MMP2: variants seen among roughly 807,000 people sequenced by gnomAD.
MMP2 encodes 72 kDa type IV collagenase.
A neutral mutation model predicts 74.8 loss-of-function variants in MMP2; 39 were observed. The observed-to-expected ratio is 0.52, with a 90% CI of 0.40 to 0.68. The LOEUF (loss-of-function observed/expected upper bound fraction) is 0.68. MMP2 is among the 30% of genes least tolerant of loss of function. The pLI is 0.00. For missense variants in MMP2, 803 were observed against 878.3 expected (o/e 0.91, Z 1.08); for synonymous variants, 367 against 339.8 (o/e 1.08, Z -0.88).
At chr16:55,489,939 C>A (rs1356578483) in intron 7 of MMP2, 115 bp downstream of exon 7, 15 of 1,240,538 alleles carry the variant, frequency 1.2e-5, no homozygotes, top group Non-Finnish European at 1.7e-5. Context: ...GCCCCCCAGA[C>A]ACCCACCTAC....
chr16:55,482,862 G>T (rs369389746), intron 1 of MMP2, 47 bp from the exon 2 acceptor site: 1 of 1,524,294 alleles, frequency 6.6e-7, no homozygotes, highest in African/African-American at 1.4e-5. Flanking sequence ...TCAGTACTGT[G>T]CCATCCTAAT....
intron 11 of MMP2, among the ~76,000 whole-genome samples, chr16:55,500,491 G>GCACACACACACACACACACACACA (rs1390341238): frequency 6.1e-5 from 3 of 49,302 alleles, no homozygotes; most frequent in African/African-American, 2.4e-4. Context: ...GCGCATGTGC[G>GCACACACACACACACACACACACA]CATACACACA....
intron 6 of MMP2, among the ~76,000 whole-genome samples, chr16:55,489,438 C>T (rs527600697): frequency 6.3e-5 from 8 of 126,826 alleles, no homozygotes; most frequent in African/African-American, 2.0e-4. Flanking sequence ...TTCATCATCT[C>T]TCTGATCTAT....
At chr16:55,488,916 G>A (rs1347511270) in intron 6 of MMP2, 200 bp downstream of exon 6, 92 of 637,506 alleles carry the variant, frequency 1.4e-4, no homozygotes, top group Non-Finnish European at 3.0e-5. Flanking sequence ...ACTGAAATCA[G>A]AACAGACATT....
chr16:55,487,053 C>T (rs894659903), intron 5 of MMP2: 1 of 152,136 alleles, frequency 6.6e-6, no homozygotes, highest in Non-Finnish European at 1.5e-5. Flanking sequence ...TTGCGTTTCC[C>T]GGTAGGGATT....
At chr16:55,482,427 T>G (rs1304518089) in intron 1 of MMP2, among the ~76,000 whole-genome samples, 2 of 152,056 alleles carry the variant, frequency 1.3e-5, no homozygotes, top group African/African-American at 4.8e-5. Flanking sequence ...GATAAATGAG[T>G]TGATAGAGGT....
At position 55,485,694 on chromosome 16, in the gene MMP2, C is replaced by A. The variant is rs755373340; in HGVS notation, c.749C>A (p.Thr250Asn). The A allele has an allele frequency of 3.0e-5, 48 of 1,614,026 alleles. No individual in the cohort carries two copies. The highest frequency in any genetic ancestry group is 4.0e-5 in the Non-Finnish European group (47 of 1,180,014). The stretch of plus-strand genomic sequence containing the variant: ...AAGGAGTACAACAGCTGCACTGATA[C>A]CGGCCGCAGCGATGGCTTCCTCTGG... The part of the protein sequence containing the change: ...NGKEYNSCTD[T>N]GRSDGFLWCS... Residue 250 changes from threonine to asparagine, a missense_variant, in exon 5 of 13, where the codon ACC becomes AAC. Physicochemically the swap from Thr to Asn is moderately conservative, Grantham distance 65. Transcript: ENST00000219070.
At chr16:55,488,444 C>A (rs1962311334) in intron 5 of MMP2, 99 bp from the exon 6 acceptor site, 1 of 1,173,292 alleles carries the variant, frequency 8.5e-7, no homozygotes, top group Non-Finnish European at 1.2e-6. Flanking sequence ...AACAATGCAT[C>A]AACTTCACTG....
intron 5 of MMP2, among the ~76,000 whole-genome samples, chr16:55,486,465 A>G (rs1342790549): frequency 2.7e-5 from 4 of 150,548 alleles, no homozygotes; most frequent in Non-Finnish European, 5.9e-5. Context: ...TTGTGTCTGC[A>G]TCTCTGTGTC....
chr16:55,490,382 G>A (rs1322340668), intron 7 of MMP2, among the ~76,000 whole-genome samples: 1 of 152,200 alleles, frequency 6.6e-6, no homozygotes, highest in Non-Finnish European at 1.5e-5. Flanking sequence ...TGTTACCAGG[G>A]TGTAAATGGT....
In MMP2 at chr16:55,491,766, G is replaced by A. The variant is rs376848551; in HGVS notation, c.1181-35G>A. The A allele has an allele frequency of 4.3e-6, 7 of 1,613,746 alleles. No individual in the cohort carries two copies. In the African/African-American group the frequency reaches 8.0e-5, roughly 18 times the overall value. On this transcript the variant is annotated intron_variant, in intron 7 of 12. Coordinates refer to ENST00000219070, the MANE Select transcript of MMP2 (RefSeq NM_004530.6). ...TGACTTCTCTCTCATCTCTCTTCCT[G>A]TCTTTCAACCCTCTCTCCTCCCTGC...
chr16:55,501,539 C>T (rs1206299646), intron 11 of MMP2, among the ~76,000 whole-genome samples: 1 of 152,182 alleles, frequency 6.6e-6, no homozygotes, highest in African/African-American at 2.4e-5. Flanking sequence ...GGATTTTGAG[C>T]TAGGGAACTT....
intron 11 of MMP2, 113 bp from the exon 12 acceptor site, chr16:55,502,666 G>T (rs1962694712): frequency 1.1e-6 from 1 of 898,002 alleles, no homozygotes; most frequent in Non-Finnish European, 1.8e-6. Context: ...GAAGGGCTAG[G>T]TCCAGTTTCC....
In MMP2 at chr16:55,485,668, C is replaced by T. The variant is rs1274521332; in HGVS notation, c.723C>T (p.Gly241=). ...GCAAGTTCCCCTTCTTGTTCAATGG[C>T]AAGGAGTACAACAGCTGCACTGATA... ...EYCKFPFLFN[G]KEYNSCTDTG... Residue 241 remains glycine (G), a synonymous_variant, in exon 5 of 13, where the codon GGC becomes GGT. Transcript: ENST00000219070. The T allele has an allele frequency of 1.9e-6, 3 of 1,614,122 alleles. No individual in the cohort carries two copies. The highest frequency in any genetic ancestry group is 2.5e-6 in the Non-Finnish European group (3 of 1,179,996).
chr16:55,484,573 A>G (rs1962193980), intron 3 of MMP2, among the ~76,000 whole-genome samples: 1 of 152,254 alleles, frequency 6.6e-6, no homozygotes, highest in African/African-American at 2.4e-5. Context: ...TGGACAGCAC[A>G]GACAAAGAAT....
chr16:55,490,551 A>G (rs1192024124), intron 7 of MMP2, among the ~76,000 whole-genome samples: 2 of 152,162 alleles, frequency 1.3e-5, no homozygotes, highest in Non-Finnish European at 2.9e-5. Context: ...CCTGTGCCCA[A>G]TCTAGGCTAC....
At position 55,488,550 on chromosome 16, in the gene MMP2, C is replaced by T. The variant is rs748099782; in HGVS notation, c.840C>T (p.Phe280=). 1 of 1,613,842 alleles carries T rather than the reference C, an allele frequency of 6.2e-7. No homozygotes were observed. The highest frequency in any genetic ancestry group is 8.5e-7 in the Non-Finnish European group (1 of 1,179,922). Residue 280 remains phenylalanine, a synonymous_variant, in exon 6 of 13, where the codon TTC becomes TTT. Transcript: ENST00000219070. ...KYGFCPHEAL[F]TMGGNAEGQP... is the part of the protein sequence containing the mutation. ...TCTCTCCCCCACCCTTAGCCCTGTT[C>T]ACCATGGGCGGCAACGCTGAAGGAC...
chr16:55,485,496 C>T (rs1312020489), intron 4 of MMP2, 69 bp downstream of exon 4: 3 of 1,612,400 alleles, frequency 1.9e-6, no homozygotes, highest in Non-Finnish European at 2.5e-6. Context: ...TTTGCTTGGA[C>T]CAGAGAGGTG....
chr16:55,493,336 C>T (rs759189458), intron 9 of MMP2, 43 bp downstream of exon 9: 2 of 1,612,908 alleles, frequency 1.2e-6, no homozygotes, highest in East Asian at 4.5e-5. Flanking sequence ...GTCTCCTGTC[C>T]TCTGCTCTTA....
Sources: gnomAD v4.1 joint callset for allele counts (sites outside exome capture counted in the v4.1 genomes callset) on GRCh38, gnomAD v4.1.1 for gene constraint, MANE v1.5 for transcripts, NCBI Gene and HGNC (gene_info 2026-07-23, HGNC 2026-07-21) for gene names.